CDH12: variants seen among roughly 807,000 people sequenced by gnomAD.
CDH12 encodes cadherin-12.
Under a neutral mutation model 74.1 loss-of-function variants are expected in CDH12, and 41 were observed. The observed-to-expected ratio is 0.55, with a 90% CI of 0.43 to 0.72. CDH12 has a LOEUF of 0.72. Among genes scored for constraint, CDH12 ranks in the 30% least tolerant of loss-of-function variants. CDH12 has a pLI of 0.00. For missense variants in CDH12, 945 were observed against 977.2 expected, an observed-to-expected ratio of 0.97 and a Z score of 0.44; for synonymous variants, 399 against 355.0, an observed-to-expected ratio of 1.12 and a Z score of -1.39.
chr5:21,834,937 G>C (rs1056849204), intron 8 of CDH12, among the ~76,000 whole-genome samples: 1 of 151,836 alleles, frequency 6.6e-6, no homozygotes, highest in African/African-American at 2.4e-5. Context: ...CACAGTACTT[G>C]CTACCATCTT....
At chr5:21,882,891 G>A (rs2150035024) in intron 6 of CDH12, 1 of 1,603,616 alleles carries the variant, frequency 6.2e-7, no homozygotes, top group East Asian at 2.2e-5. Flanking sequence ...TGTTCAAGAT[G>A]TTGCCAATAA....
At chr5:22,810,253 A>T (rs2126445476) in intron 1 of CDH12, among the ~76,000 whole-genome samples, 1 of 152,300 alleles carries the variant, frequency 6.6e-6, no homozygotes, top group Admixed American at 6.5e-5. Flanking sequence ...TTCAACAAAG[A>T]TATACCGAGC....
At chr5:21,801,623 A>T (rs1256202764) in intron 10 of CDH12, among the ~76,000 whole-genome samples, 1 of 152,178 alleles carries the variant, frequency 6.6e-6, no homozygotes, top group Admixed American at 6.5e-5. Flanking sequence ...CAATTCCATA[A>T]ATTCATTTTA....
intron 3 of CDH12, among the ~76,000 whole-genome samples, chr5:22,370,152 C>CTTA (rs1741217547): frequency 6.6e-6 from 1 of 152,084 alleles, no homozygotes; most frequent in Non-Finnish European, 1.5e-5. Flanking sequence ...ATAAAGTGTG[C>CTTA]TTATATATTG....
chr5:22,024,688 T>C (rs1387641765), intron 5 of CDH12, among the ~76,000 whole-genome samples: 2 of 152,064 alleles, frequency 1.3e-5, no homozygotes, highest in Non-Finnish European at 2.9e-5. Context: ...AATTTTTTTG[T>C]ATTTTAGTAG....
At chr5:21,777,874 A>G (rs1745680901) in intron 11 of CDH12, among the ~76,000 whole-genome samples, 3 of 152,222 alleles carry the variant, frequency 2.0e-5, no homozygotes, top group Non-Finnish European at 4.4e-5. Context: ...GTTTTGAAGT[A>G]TATATACATT....
At chr5:21,975,029 G>T (rs1757000066) in intron 6 of CDH12, 62 bp downstream of exon 6, 8 of 995,822 alleles carry the variant, frequency 8.0e-6, no homozygotes, top group Non-Finnish European at 1.2e-5. Flanking sequence ...ACATCAACCT[G>T]CAAAAAGTCA....
In CDH12 at chr5:21,975,100, A is replaced by G; in HGVS notation, c.517T>C (p.Ser173Pro). 6.3e-7 allele frequency: 1 copy of G among 1,593,892 alleles called. No individual in the cohort carries two copies. The highest frequency in any genetic ancestry group is 8.5e-7 in the Non-Finnish European group (1 of 1,177,726). Residue 173 changes from serine to proline, a missense_variant, in exon 6 of 15, where the codon TCT becomes CCT. Physicochemically the swap from Ser to Pro is moderately conservative, Grantham distance 74 (BLOSUM62 -1). Around this residue, in one of 3 missense-constraint regions of CDH12, gnomAD observed 791 missense variants for 792.8 expected, o/e 1.00. Transcript: ENST00000382254. ...GPYVATVPEM[S>P]PVGAYVLQVK... ...TGATTTGCCTACTCACCCACAGGAGACATTTCTGGAACAGTAGCAACATAA... is the reference window on the plus strand; with the variant it reads ...TGATTTGCCTACTCACCCACAGGAGGCATTTCTGGAACAGTAGCAACATAA...
intron 3 of CDH12, among the ~76,000 whole-genome samples, chr5:22,257,198 G>A (rs566688737): frequency 3.3e-5 from 5 of 152,110 alleles, no homozygotes; most frequent in African/African-American, 4.8e-5. Flanking sequence ...AGGAGGCAGA[G>A]AACCAGGTAA....
chr5:22,113,267 T>G (rs1275135230), intron 4 of CDH12, among the ~76,000 whole-genome samples: 1 of 152,158 alleles, frequency 6.6e-6, no homozygotes, highest in Admixed American at 6.6e-5. Context: ...AAAATTTACA[T>G]CTGTAAAGAA....
chr5:22,081,268 G>A (rs1339991582), intron 4 of CDH12, among the ~76,000 whole-genome samples: 1 of 152,036 alleles, frequency 6.6e-6, no homozygotes, highest in Non-Finnish European at 1.5e-5. Context: ...ACTCCATCAC[G>A]TTTGCGGTAA....
chr5:22,626,316 C>A (rs1044957047), intron 1 of CDH12, among the ~76,000 whole-genome samples: 1 of 152,164 alleles, frequency 6.6e-6, no homozygotes, highest in Non-Finnish European at 1.5e-5. Context: ...ACCACCCCTA[C>A]AGAGCATTTT....
intron 13 of CDH12, among the ~76,000 whole-genome samples, chr5:21,758,822 A>G (rs1349320120): frequency 2.6e-5 from 4 of 152,212 alleles, no homozygotes; most frequent in South Asian, 2.1e-4. Flanking sequence ...GTGCAGCAAC[A>G]TGGATGCATC....
At chr5:22,823,001 A>C (rs1749791207) in intron 1 of CDH12, among the ~76,000 whole-genome samples, 1 of 152,178 alleles carries the variant, frequency 6.6e-6, no homozygotes, top group African/African-American at 2.4e-5. Flanking sequence ...CAACAAGGAT[A>C]GACTGGATTA....
At chr5:21,792,598 CT>C (rs371352944) in intron 10 of CDH12, among the ~76,000 whole-genome samples, 7,217 of 121,688 alleles carry the variant, frequency 0.059, 203 homozygotes, top group African/African-American at 0.12. Flanking sequence ...TTCCTCTGCC[CT>C]TTTTTTTTTT....
intron 4 of CDH12, among the ~76,000 whole-genome samples, chr5:22,100,712 A>ATTCT (rs899988124): frequency 6.8e-6 from 1 of 147,210 alleles, no homozygotes; most frequent in African/African-American, 2.5e-5. Flanking sequence ...TAGATAACCC[A>ATTCT]TTCTACTTTA....
chr5:22,838,646 A>AGTGTGTGTGT (rs1260205552), intron 1 of CDH12, among the ~76,000 whole-genome samples: 2 of 112,682 alleles, frequency 1.8e-5, no homozygotes, highest in African/African-American at 6.6e-5. Flanking sequence ...GGTGTGTGAG[A>AGTGTGTGTGT]GTGTCTGTGT....
At chr5:22,140,374 TG>T (rs1487240612) in intron 4 of CDH12, among the ~76,000 whole-genome samples, 1 of 152,062 alleles carries the variant, frequency 6.6e-6, no homozygotes, top group East Asian at 1.9e-4. Flanking sequence ...ACATAAGTAA[TG>T]CCAAAAGAAT....
At chr5:22,827,200 G>T (rs1264098121) in intron 1 of CDH12, among the ~76,000 whole-genome samples, 1 of 151,438 alleles carries the variant, frequency 6.6e-6, no homozygotes, top group Non-Finnish European at 1.5e-5. Flanking sequence ...GGCTCCTGAG[G>T]GTGCAAGCCT....
Sources: allele counts gnomAD v4.1 joint callset (sites outside exome capture counted in the v4.1 genomes callset), GRCh38; gene constraint gnomAD v4.1.1; regional missense constraint gnomAD v4.1.1; transcripts MANE v1.5; gene names NCBI Gene and HGNC (gene_info 2026-07-23, HGNC 2026-07-21).